CLSTN1: variants seen among roughly 807,000 people sequenced by gnomAD.
CLSTN1 encodes the protein calsyntenin 1.
In CLSTN1, 28 loss-of-function variants were observed where a neutral mutation model predicts 108.3. That is an observed-to-expected ratio of 0.26 (90% CI 0.19 to 0.35). CLSTN1 has a LOEUF of 0.35. CLSTN1 is among the 10% of genes least tolerant of loss of function. CLSTN1 has a pLI of 1.00. For synonymous variants in CLSTN1, 524 were observed against 534.9 expected (o/e 0.98, Z 0.28); for missense variants, 1,157 against 1,302.6 (o/e 0.89, Z 1.72).
intron 1 of CLSTN1, among the ~76,000 whole-genome samples, chr1:9,821,300 T>C (rs890980453): frequency 6.6e-6 from 1 of 152,184 alleles, no homozygotes; most frequent in Admixed American, 6.5e-5. Flanking sequence ...ACCCAGCTAA[T>C]TTTTATATAG....
intron 1 of CLSTN1, among the ~76,000 whole-genome samples, chr1:9,793,052 G>A (rs774352231): frequency 1.3e-5 from 2 of 151,072 alleles, no homozygotes; most frequent in Admixed American, 6.7e-5. Context: ...CAATCTGTCC[G>A]CCCAGGCTGG....
In CLSTN1 at chr1:9,773,340, T is replaced by A. The variant is rs772938237; in HGVS notation, c.146A>T (p.Asn49Ile). 1.9e-6 allele frequency: 3 copies of A among 1,614,114 alleles called. No individual in the cohort carries two copies. In the South Asian group the frequency reaches 3.3e-5, roughly 18 times the overall value. ...EPTYHGIVTE[N>I]DNTVLLDPPL... ...GGGGTCGAGGAGCACGGTGTTGTCG[T>A]TCTCTGTGACTATGCCGTGGTAGGT... The change falls in exon 2 of 19, where the codon AAC (asparagine) becomes ATC (isoleucine). Residue 49 changes from asparagine to isoleucine, a missense_variant. By Grantham distance (149) the Asn-to-Ile change is moderately radical. Transcript: ENST00000377298.
intron 7 of CLSTN1, among the ~76,000 whole-genome samples, chr1:9,746,033 G>C (rs1651252136): frequency 6.6e-6 from 1 of 152,052 alleles, no homozygotes; most frequent in African/African-American, 2.4e-5. Flanking sequence ...CTCCCAAAGT[G>C]CTGGGATTAT....
At chr1:9,792,789 G>C (rs1212904890) in intron 1 of CLSTN1, among the ~76,000 whole-genome samples, 1 of 151,252 alleles carries the variant, frequency 6.6e-6, no homozygotes, top group Non-Finnish European at 1.5e-5. Context: ...TGGGTGCAGG[G>C]GTGGGGTCAA....
At position 9,730,309 on chromosome 1, in the gene CLSTN1, G is replaced by A. The variant is rs1650282376; in HGVS notation, c.*199C>T. 1.6e-6 allele frequency: 1 copy of A among 627,956 alleles called. No homozygotes were observed. The highest frequency in any genetic ancestry group is 2.8e-6 in the Non-Finnish European group (1 of 351,644). The allele number at this position is 627,956 out of a possible 1,614,324, so 38.9% of individuals were successfully genotyped here. A position where few individuals can be genotyped will look rare whatever the true frequency, so the allele number is the denominator to read the frequency against. ...AGAGAGGACGTGTCAGCTCCTCGTG[G>A]GACTGAAGAGCGCGACCAGGCAGAG... On this transcript the variant is annotated 3_prime_UTR_variant, in exon 19 of 19. Coordinates refer to ENST00000377298, the MANE Select transcript of CLSTN1 (RefSeq NM_001009566.3). This position sits in a 1 kb window ranked among gnomAD's most constrained non-coding sequence, Gnocchi z 5.6.
Position 9,757,072 on chromosome 1 carries a change from C to G in CLSTN1, c.215-562G>C. On this transcript the variant is annotated intron_variant, in intron 2 of 18. Coordinates refer to ENST00000377298, the MANE Select transcript of CLSTN1 (RefSeq NM_001009566.3). The stretch of plus-strand genomic sequence containing the variant: ...GGATTACAGGAGTGAGCCCCCGTGC[C>G]CGGCAGGATTTTTCTTTTAATGAAC... 1.3e-5 allele frequency among the ~76,000 whole-genome samples: 2 copies of G among 151,670 alleles called. 1 individual carries two copies. Among genetic ancestry groups the G allele is most frequent in the Non-Finnish European group, 2.9e-5 (2 of 67,926 alleles).
chr1:9,756,627 C>G (rs1490098375), intron 2 of CLSTN1, 117 bp from the exon 3 acceptor site: 2 of 789,302 alleles, frequency 2.5e-6, no homozygotes, highest in African/African-American at 3.4e-5. Context: ...AGCTCAGCGA[C>G]CGGCTTCTAC....
Position 9,731,836 on chromosome 1 carries a change from G to C in CLSTN1, c.2488C>G (p.Gln830Glu), listed in dbSNP as rs1650415325. The C allele has an allele frequency of 1.2e-6, 2 of 1,614,190 alleles. No individual in the cohort carries two copies. Among genetic ancestry groups the C allele is most frequent in the Non-Finnish European group, 1.7e-6 (2 of 1,180,030 alleles). The change falls in exon 17 of 19, where the codon CAG becomes GAG. Residue 830 changes from glutamine (Q) to glutamate (E), a missense_variant. Coordinates refer to ENST00000377298, the MANE Select transcript of CLSTN1 (RefSeq NM_001009566.3). ...GAGCGGTGTTCCGGGTGCACGAACT[G>C]TGGCTGGGCAGCCATGTGGTTGGCG... ...EHANHMAAQP[Q>E]FVHPEHRSFV...
chr1:9,744,988 G>A (rs1326960665), intron 7 of CLSTN1, among the ~76,000 whole-genome samples: 1 of 152,162 alleles, frequency 6.6e-6, no homozygotes, highest in African/African-American at 2.4e-5. Flanking sequence ...TCCTGACCTC[G>A]TGATCCGCCT....
intron 1 of CLSTN1, among the ~76,000 whole-genome samples, chr1:9,810,618 T>C (rs1052179885): frequency 1.3e-4 from 20 of 150,796 alleles, no homozygotes; most frequent in African/African-American, 4.9e-4. Flanking sequence ...CTACTAAAAA[T>C]ACAAAAATTA....
At chr1:9,780,639 A>G (rs545558031) in intron 1 of CLSTN1, among the ~76,000 whole-genome samples, 9 of 152,356 alleles carry the variant, frequency 5.9e-5, no homozygotes, top group African/African-American at 2.2e-4. Context: ...ATTTCATCAC[A>G]TTCAATTTGC....
chr1:9,821,630 A>C (rs1177831451), intron 1 of CLSTN1, among the ~76,000 whole-genome samples: 1 of 152,202 alleles, frequency 6.6e-6, no homozygotes, highest in South Asian at 2.1e-4. Context: ...TTACAGCCGT[A>C]AAAAATTCAA....
intron 2 of CLSTN1, among the ~76,000 whole-genome samples, chr1:9,766,251 CAAG>C (rs1254861037): frequency 2.6e-5 from 4 of 152,142 alleles, no homozygotes; most frequent in African/African-American, 7.2e-5. Flanking sequence ...GAAGAGGAAA[CAAG>C]AAGAGGAGGC....
rs142244630 is a variant in CLSTN1, at chr1:9,735,044, T to G, written c.2014A>C (p.Ser672Arg). The G allele has an allele frequency of 4.3e-6, 7 of 1,614,090 alleles. No homozygotes were observed. Among genetic ancestry groups the G allele is most frequent in the Non-Finnish European group, 5.1e-6 (6 of 1,180,046 alleles). Residue 672 changes from serine (S) to arginine (R), a missense_variant, in exon 14 of 19, where the codon AGC (serine) becomes CGC (arginine). Physicochemically the swap from Ser to Arg is moderately radical, Grantham distance 110. Transcript: ENST00000377298. Reference protein sequence around the residue: ...HFARAASEFESSEGVFLFPEL... With the variant: ...HFARAASEFERSEGVFLFPEL... ...GGGAAAAGGAACACCCCTTCTGAGC[T>G]TTCAAATTCAGAAGCTGCTCGGGCA...
At chr1:9,749,210 G>T (rs1047163857) in intron 7 of CLSTN1, among the ~76,000 whole-genome samples, 1 of 152,060 alleles carries the variant, frequency 6.6e-6, no homozygotes, top group Non-Finnish European at 1.5e-5. Flanking sequence ...GGCCACCAGT[G>T]GTTCTTAAAA....
intron 1 of CLSTN1, among the ~76,000 whole-genome samples, chr1:9,791,639 C>A (rs573431201): frequency 6.6e-6 from 1 of 151,440 alleles, no homozygotes; most frequent in East Asian, 2.0e-4. Context: ...TCAAACAATT[C>A]TCCTGCCTCA....
intron 2 of CLSTN1, among the ~76,000 whole-genome samples, chr1:9,772,345 T>G (rs957034242): frequency 6.6e-6 from 1 of 151,740 alleles, no homozygotes; most frequent in African/African-American, 2.4e-5. Flanking sequence ...TCTTGCTCTG[T>G]TGCCCAGGCT....
chr1:9,788,711 G>T (rs1233478933), intron 1 of CLSTN1, among the ~76,000 whole-genome samples: 1 of 150,754 alleles, frequency 6.6e-6, no homozygotes, highest in East Asian at 2.0e-4. Flanking sequence ...ACTAAAAAAT[G>T]CAAAACATTT....
chr1:9,735,140 G>C lies in CLSTN1; in HGVS notation c.1918C>G (p.Pro640Ala). 1 of 1,614,202 alleles carries C rather than the reference G, an allele frequency of 6.2e-7. No homozygotes were observed. Among genetic ancestry groups the C allele is most frequent in the Non-Finnish European group, 8.5e-7 (1 of 1,180,046 alleles). ...FNEATCISVPPVDGYVMVLQP... is the reference protein window; with the variant it reads ...FNEATCISVPAVDGYVMVLQP... ...AAAACCATCACGTAGCCATCTACCG[G>C]GGGGACCGAAATGCAGGTGGCCTCG... Residue 640 changes from proline (P) to alanine (A), a missense_variant, in exon 14 of 19, where the codon CCG (proline) becomes GCG (alanine). Coordinates refer to ENST00000377298, the MANE Select transcript of CLSTN1 (RefSeq NM_001009566.3).
Sources: gnomAD v4.1 joint callset for allele counts (sites outside exome capture counted in the v4.1 genomes callset) on GRCh38, gnomAD v4.1.1 for gene constraint, Gnocchi (gnomAD v3.1) non-coding constraint, MANE v1.5 for transcripts, NCBI Gene and HGNC (gene_info 2026-07-23, HGNC 2026-07-21) for gene names.